PTPRE: variants seen among roughly 807,000 people sequenced by gnomAD.
PTPRE encodes the protein receptor-type tyrosine-protein phosphatase epsilon.
In PTPRE, 51 loss-of-function variants were observed where a neutral mutation model predicts 102.0. The observed-to-expected ratio is 0.50, with a 90% CI of 0.40 to 0.63. The LOEUF (loss-of-function observed/expected upper bound fraction) is 0.63, where lower values mean the gene tolerates loss of function less well. Ranked by LOEUF, PTPRE falls within the 30% of genes least tolerant of loss-of-function variation. The pLI is 0.00. For synonymous variants in PTPRE, 345 were observed against 348.2 expected, an observed-to-expected ratio of 0.99 and a Z score of 0.10; for missense variants, 752 against 915.1, an observed-to-expected ratio of 0.82 and a Z score of 2.30.
Position 128,085,294 on chromosome 10 carries a change from C to G in PTPRE, c.*2388C>G. On this transcript the variant is annotated 3_prime_UTR_variant, in exon 21 of 21. Transcript: ENST00000254667. ...AACCTGGAAAGTTCATCTCTTGTTT[C>G]CTTCAGTCAAAGAAAGTCCATTGTA... 2 of 314,490 alleles carry G rather than the reference C, an allele frequency of 6.4e-6. No homozygotes were observed. The highest frequency in any genetic ancestry group is 5.1e-5 in the South Asian group (2 of 39,196). 19.5% of individuals were successfully genotyped at this position (314,490 alleles called of 1,614,324 possible). A position where few individuals can be genotyped will look rare whatever the true frequency, so the allele number is the denominator to read the frequency against.
rs564228598 is a variant in PTPRE, at chr10:128,040,422, G to T, written c.-7-453G>T. On this transcript the variant is annotated intron_variant, in intron 2 of 20. Coordinates refer to ENST00000254667, the MANE Select transcript of PTPRE (RefSeq NM_006504.6). ...GAAACCGATTGAAAAGCAGTGTCTT[G>T]CTGGGTGTGAAGAGGACAGCGTGGC... Among the ~76,000 whole-genome samples, 4 of 152,320 alleles carry T rather than the reference G, an allele frequency of 2.6e-5. No homozygotes were observed. The East Asian group carries it at 7.7e-4, about 29-fold the overall frequency.
At chr10:127,966,302 C>A (rs56353229) in intron 1 of PTPRE, among the ~76,000 whole-genome samples, 7,874 of 152,232 alleles carry the variant, frequency 0.052, 259 homozygotes, top group Middle Eastern at 0.078. Context: ...AATTGCATGA[C>A]AGTTACTGAT....
rs1335755570 is a variant in PTPRE, at chr10:127,944,539, G to A, written c.-31+37230G>A. On this transcript the variant is annotated intron_variant, in intron 1 of 20. Transcript: ENST00000254667. The surrounding 1 kb of genome is among the most constrained non-coding windows in gnomAD (Gnocchi z 4.2). ...GGGTGGATGGATGGATAAATGGATG[G>A]ATGGATAAGTGGATGGATGGATGGG... Among the ~76,000 whole-genome samples, 1 of 152,144 alleles carries A rather than the reference G, an allele frequency of 6.6e-6. No individual in the cohort carries two copies. Among genetic ancestry groups the A allele is most frequent in the African/African-American group, 2.4e-5 (1 of 41,430 alleles).
At chr10:128,068,333 G>A in intron 12 of PTPRE, 47 bp downstream of exon 12, 1 of 1,569,154 alleles carries the variant, frequency 6.4e-7, no homozygotes, top group African/African-American at 1.4e-5. Context: ...GCAGGCCACA[G>A]TGGGATGACT....
At chr10:127,919,916 T>G (rs1846472287) in intron 1 of PTPRE, among the ~76,000 whole-genome samples, 2 of 151,904 alleles carry the variant, frequency 1.3e-5, no homozygotes, top group East Asian at 3.9e-4. Flanking sequence ...TACTTAGCAG[T>G]GGATTTTTTT....
At chr10:128,036,346 A>G (rs1847216810) in intron 2 of PTPRE, among the ~76,000 whole-genome samples, 1 of 151,684 alleles carries the variant, frequency 6.6e-6, no homozygotes, top group Non-Finnish European at 1.5e-5. Context: ...CCCAGATGCA[A>G]CTCCTACAGA....
intron 7 of PTPRE, among the ~76,000 whole-genome samples, chr10:128,057,174 G>A (rs1278272641): frequency 2.0e-5 from 3 of 151,544 alleles, no homozygotes; most frequent in East Asian, 1.9e-4. Context: ...CCGAGATCGC[G>A]CCATTGCACT....
chr10:127,985,091 G>A (rs1171171262), intron 2 of PTPRE, among the ~76,000 whole-genome samples: 1 of 152,252 alleles, frequency 6.6e-6, no homozygotes, highest in Admixed American at 6.5e-5. Flanking sequence ...ACCTTGGGCA[G>A]GGCGGCTAAG....
chr10:127,923,249 G>A (rs201658534), intron 1 of PTPRE, among the ~76,000 whole-genome samples: 3 of 152,312 alleles, frequency 2.0e-5, no homozygotes, highest in Non-Finnish European at 2.9e-5. Flanking sequence ...TGAGGGGTGG[G>A]GCAGGCTTCC....
At chr10:128,063,320 T>A in intron 10 of PTPRE, 140 bp downstream of exon 10, 1 of 1,433,156 alleles carries the variant, frequency 7.0e-7, no homozygotes, top group Non-Finnish European at 9.3e-7. Flanking sequence ...ACACATGCAG[T>A]GGCTTACAGC....
intron 2 of PTPRE, among the ~76,000 whole-genome samples, chr10:128,035,176 G>A (rs988428191): frequency 3.9e-5 from 6 of 152,004 alleles, no homozygotes; most frequent in Admixed American, 6.6e-5. Context: ...TAGAGACAGG[G>A]TTTTGCCATA....
intron 1 of PTPRE, among the ~76,000 whole-genome samples, chr10:127,968,013 T>G (rs566217925): frequency 7.2e-6 from 1 of 139,424 alleles, no homozygotes; most frequent in African/African-American, 2.7e-5. Flanking sequence ...TCTATAGGTG[T>G]GTGTGTGTGT....
intron 1 of PTPRE, among the ~76,000 whole-genome samples, chr10:127,932,097 A>G (rs551267563): frequency 6.6e-6 from 1 of 152,318 alleles, no homozygotes; most frequent in South Asian, 2.1e-4. Flanking sequence ...CAGTTCTTCT[A>G]TTAAGGAATA....
intron 10 of PTPRE, among the ~76,000 whole-genome samples, chr10:128,065,535 G>A (rs1021185864): frequency 2.6e-5 from 4 of 152,164 alleles, no homozygotes; most frequent in Admixed American, 2.0e-4. Flanking sequence ...CAGACTCCAC[G>A]GCAGCCTCGT....
chr10:128,022,335 G>C (rs1177499866), intron 2 of PTPRE, among the ~76,000 whole-genome samples: 1 of 152,226 alleles, frequency 6.6e-6, no homozygotes, highest in Non-Finnish European at 1.5e-5. Flanking sequence ...CTGCCCCCAG[G>C]CCTTGTGAAA....
At chr10:128,003,404 T>G (rs1854175501) in intron 2 of PTPRE, among the ~76,000 whole-genome samples, 1 of 152,172 alleles carries the variant, frequency 6.6e-6, no homozygotes. Flanking sequence ...TCCAATACAT[T>G]AAAAATATTA....
chr10:128,011,284 T>G (rs1226143471), intron 2 of PTPRE, among the ~76,000 whole-genome samples: 1 of 152,164 alleles, frequency 6.6e-6, no homozygotes, highest in Non-Finnish European at 1.5e-5. Flanking sequence ...GAATGCTAGT[T>G]CCTAATTAAT....
At chr10:128,043,992 T>C (rs1056074516) in intron 3 of PTPRE, among the ~76,000 whole-genome samples, 2 of 152,212 alleles carry the variant, frequency 1.3e-5, no homozygotes, top group East Asian at 3.8e-4. Flanking sequence ...TCTTTCTTAG[T>C]GGTTCTTAAA....
At chr10:128,073,497 C>G in intron 17 of PTPRE, 26 bp downstream of exon 17, 2 of 1,600,524 alleles carry the variant, frequency 1.2e-6, no homozygotes, top group Non-Finnish European at 1.7e-6. Context: ...CAGCCCGGTC[C>G]CTCCAGGGCA....
Sources: gnomAD v4.1 joint callset for allele counts (sites outside exome capture counted in the v4.1 genomes callset) on GRCh38, gnomAD v4.1.1 for gene constraint, Gnocchi (gnomAD v3.1) non-coding constraint, MANE v1.5 for transcripts, NCBI Gene and HGNC (gene_info 2026-07-23, HGNC 2026-07-21) for gene names.